SAMMSON: variants seen among roughly 807,000 people sequenced by gnomAD.
The protein encoded by SAMMSON is survival associated mitochondrial melanoma specific oncogenic non-coding RNA, also known as long intergenic non-protein coding RNA 1212.
intron 4 of SAMMSON, among the ~76,000 whole-genome samples, chr3:70,193,245 T>A (rs1467878908): frequency 6.6e-6 from 1 of 152,154 alleles, no homozygotes; most frequent in East Asian, 1.9e-4. Flanking sequence ...TTAGGAGCAA[T>A]TCAGACCTCT....
intron 4 of SAMMSON, among the ~76,000 whole-genome samples, chr3:70,188,344 A>T (rs550440933): frequency 6.6e-6 from 1 of 152,302 alleles, no homozygotes; most frequent in Non-Finnish European, 1.5e-5. Context: ...GAGATCATTG[A>T]GGTAGTTCAG....
chr3:70,199,992 G>A (rs1701222694), intron 4 of SAMMSON, among the ~76,000 whole-genome samples: 2 of 152,120 alleles, frequency 1.3e-5, no homozygotes, highest in Non-Finnish European at 2.9e-5. Context: ...TTTTATGGAT[G>A]GCTTCTGAAC....
intron 3 of SAMMSON, among the ~76,000 whole-genome samples, chr3:70,034,584 T>G (rs755675232): frequency 1.9e-4 from 29 of 152,148 alleles, no homozygotes; most frequent in Non-Finnish European, 2.5e-4. Context: ...TGGCTCACGC[T>G]TATAATCCCA....
At chr3:70,261,587 T>C (rs1701867213) in intron 6 of SAMMSON, among the ~76,000 whole-genome samples, 1 of 152,184 alleles carries the variant, frequency 6.6e-6, no homozygotes, top group Non-Finnish European at 1.5e-5. Context: ...CCTTTTTGGT[T>C]TCCCTGACAT....
intron 4 of SAMMSON, among the ~76,000 whole-genome samples, chr3:70,152,697 T>C (rs937221968): frequency 1.3e-5 from 2 of 152,000 alleles, no homozygotes; most frequent in African/African-American, 4.8e-5. Flanking sequence ...GACAAAAAGC[T>C]ATCAGTCTGC....
intron 4 of SAMMSON, among the ~76,000 whole-genome samples, chr3:70,216,477 G>A (rs1026315896): frequency 1.3e-5 from 2 of 151,960 alleles, no homozygotes; most frequent in African/African-American, 4.8e-5. Flanking sequence ...AAAACGCGGG[G>A]ATATCAAATA....
chr3:70,183,113 C>T (rs1701067111), intron 4 of SAMMSON, among the ~76,000 whole-genome samples: 2 of 152,172 alleles, frequency 1.3e-5, no homozygotes, highest in African/African-American at 4.8e-5. Context: ...AGCCTAGGTG[C>T]TTCCCATGAA....
chr3:70,357,068 A>C (rs1182529407), intron 8 of SAMMSON, among the ~76,000 whole-genome samples: 1 of 152,158 alleles, frequency 6.6e-6, no homozygotes, highest in African/African-American at 2.4e-5. Context: ...GTTTTAACCA[A>C]CTGGTGGGAT....
At chr3:70,119,367 C>T (rs757122443) in intron 4 of SAMMSON, among the ~76,000 whole-genome samples, 7 of 152,140 alleles carry the variant, frequency 4.6e-5, no homozygotes, top group Non-Finnish European at 7.4e-5. Context: ...GCCCCCTGAC[C>T]GCTACTCTTA....
At chr3:70,254,718 G>C (rs1701799016) in intron 6 of SAMMSON, among the ~76,000 whole-genome samples, 1 of 152,122 alleles carries the variant, frequency 6.6e-6, no homozygotes, top group Admixed American at 6.6e-5. Context: ...AAAAGCAGAA[G>C]TTCTGTCATG....
chr3:70,254,686 T>G (rs2106655276), intron 6 of SAMMSON, among the ~76,000 whole-genome samples: 1 of 152,296 alleles, frequency 6.6e-6, no homozygotes, highest in South Asian at 2.1e-4. Context: ...GTAGATAATC[T>G]TTTTCTTAAG....
chr3:70,279,267 G>A (rs1043115870), intron 6 of SAMMSON, among the ~76,000 whole-genome samples: 1 of 151,828 alleles, frequency 6.6e-6, no homozygotes, highest in Non-Finnish European at 1.5e-5. Flanking sequence ...TTTACAGATG[G>A]GAAGAAACCA....
chr3:70,269,295 G>C (rs1701952649), intron 6 of SAMMSON, among the ~76,000 whole-genome samples: 1 of 152,134 alleles, frequency 6.6e-6, no homozygotes, highest in Non-Finnish European at 1.5e-5. Flanking sequence ...TTAGCCTAAA[G>C]CTGGCTCATT....
intron 7 of SAMMSON, chr3:70,311,785 G>T: frequency 2.6e-6 from 1 of 388,348 alleles, no homozygotes; most frequent in South Asian, 1.4e-4. Flanking sequence ...ACTACTATTT[G>T]AACGGTCAGG....
chr3:70,191,878 C>T (rs1701133193), intron 4 of SAMMSON, among the ~76,000 whole-genome samples: 1 of 116,470 alleles, frequency 8.6e-6, no homozygotes. Context: ...CTTTAAGACT[C>T]TTTCCCTAAA....
chr3:70,343,903 A>G (rs1286501587), intron 7 of SAMMSON, among the ~76,000 whole-genome samples: 1 of 149,704 alleles, frequency 6.7e-6, no homozygotes, highest in Non-Finnish European at 1.5e-5. Flanking sequence ...ATTATAATGT[A>G]TATATATACA....
chr3:70,266,109 C>T (rs1267321088), intron 6 of SAMMSON, among the ~76,000 whole-genome samples: 1 of 152,188 alleles, frequency 6.6e-6, no homozygotes, highest in Non-Finnish European at 1.5e-5. Context: ...GTCTCTCACA[C>T]TATTTTGGCT....
intron 4 of SAMMSON, among the ~76,000 whole-genome samples, chr3:70,237,500 C>T (rs1045956950): frequency 6.6e-6 from 1 of 152,172 alleles, no homozygotes; most frequent in African/African-American, 2.4e-5. Context: ...ATGTTAACTC[C>T]ATGTTCTGTC....
chr3:70,282,758 T>C lies in SAMMSON; in HGVS notation n.675-8421T>C, dbSNP rs575356768. Among the ~76,000 whole-genome samples, 7 of 152,312 alleles carry C rather than the reference T, an allele frequency of 4.6e-5. No individual in the cohort carries two copies. In the South Asian group the frequency reaches 1.2e-3, roughly 27 times the overall value. ...ACCAGACTTACCACAGACTTGTTAC[T>C]TTACTTATTGCCTCCTATTCCTGAC... On this transcript the variant is annotated intron_variant and non_coding_transcript_variant, in intron 6 of 9. Transcript: ENST00000642114.
Sources: allele counts gnomAD v4.1 joint callset (sites outside exome capture counted in the v4.1 genomes callset), GRCh38; gene constraint gnomAD v4.1.1; transcripts MANE v1.5; gene names NCBI Gene and HGNC (gene_info 2026-07-23, HGNC 2026-07-21).